ADAM10: variants seen among roughly 807,000 people sequenced by gnomAD.
ADAM10 encodes the protein ADAM metallopeptidase domain 10, also known as disintegrin and metalloproteinase domain-containing protein 10.
ADAM10 carries 17 observed loss-of-function variants against 90.1 expected under a neutral mutation model. That is an observed-to-expected ratio of 0.19 (90% confidence interval 0.13 to 0.28). The LOEUF is 0.28. Among genes scored for constraint, ADAM10 ranks in the 10% least tolerant of loss-of-function variants. The pLI, the probability that ADAM10 is intolerant of heterozygous loss-of-function variation, is 1.00. For synonymous variants in ADAM10, 310 were observed against 298.6 expected (o/e 1.04, Z -0.40); for missense variants, 610 against 914.3 (o/e 0.67, Z 4.29).
chr15:58,653,717 C>A (rs561141122), intron 5 of ADAM10, among the ~76,000 whole-genome samples: 7 of 152,146 alleles, frequency 4.6e-5, no homozygotes, highest in Non-Finnish European at 8.8e-5. Flanking sequence ...CAGAGTAATA[C>A]TGGCCTCCTA....
intron 8 of ADAM10, among the ~76,000 whole-genome samples, chr15:58,633,846 G>A (rs1472819161): frequency 1.4e-5 from 2 of 147,536 alleles, no homozygotes; most frequent in Admixed American, 6.8e-5. Context: ...TCCCTGTCCT[G>A]AGATATGACA....
At chr15:58,683,859 CAAAA>C (rs71425819) in intron 2 of ADAM10, among the ~76,000 whole-genome samples, 74 of 67,246 alleles carry the variant, frequency 1.1e-3, no homozygotes, top group African/African-American at 3.8e-3. Context: ...GGCTCCATCT[CAAAA>C]AAAAAAAAAA....
intron 2 of ADAM10, among the ~76,000 whole-genome samples, chr15:58,709,668 T>A (rs1361994230): frequency 1.3e-5 from 2 of 151,812 alleles, no homozygotes; most frequent in Non-Finnish European, 2.9e-5. Flanking sequence ...TGAACCCAGG[T>A]GGCAGAGGTT....
chr15:58,637,107 T>C (rs1387209092), intron 8 of ADAM10, among the ~76,000 whole-genome samples: 2 of 152,266 alleles, frequency 1.3e-5, no homozygotes, highest in African/African-American at 4.8e-5. Context: ...AAGAATTCAA[T>C]AAGCTGTGGG....
chr15:58,661,909 A>T lies in ADAM10; in HGVS notation c.585+3188T>A, dbSNP rs564209251. On this transcript the variant is annotated intron_variant, in intron 5 of 15. Coordinates refer to ENST00000260408, the MANE Select transcript of ADAM10 (RefSeq NM_001110.4). The stretch of plus-strand genomic sequence containing the variant: ...CCTCAGATAATATATTTTTCACCCT[A>T]GAAGTTCCATTTGGTTCTTTATTAG... Among the ~76,000 whole-genome samples the T allele has an allele frequency of 5.9e-5, 9 of 152,250 alleles. No individual in the cohort carries two copies. The South Asian group carries it at 1.9e-3, about 32-fold the overall frequency.
chr15:58,740,858 A>C (rs1323023966), intron 1 of ADAM10, among the ~76,000 whole-genome samples: 1 of 152,214 alleles, frequency 6.6e-6, no homozygotes, highest in Non-Finnish European at 1.5e-5. Context: ...CTATTTTCTA[A>C]TGTTTGGTAA....
At chr15:58,698,065 A>G (rs1490491521) in intron 2 of ADAM10, among the ~76,000 whole-genome samples, 2 of 152,192 alleles carry the variant, frequency 1.3e-5, no homozygotes, top group African/African-American at 4.8e-5. Context: ...GGAAGAAGTG[A>G]CTGTTATACC....
chr15:58,647,248 A>ATTTTGTTTTTTTTTTTTTTTTTTTTT (rs1896572465), intron 5 of ADAM10, among the ~76,000 whole-genome samples: 1 of 59,602 alleles, frequency 1.7e-5, no homozygotes, highest in Non-Finnish European at 3.6e-5. Context: ...GACACTAAGT[A>ATTTTGTTTTTTTTTTTTTTTTTTTTT]TTTTTTTTTT....
intron 5 of ADAM10, among the ~76,000 whole-genome samples, chr15:58,652,931 T>C (rs1180352569): frequency 5.9e-5 from 9 of 152,186 alleles, no homozygotes; most frequent in Admixed American, 5.9e-4. Context: ...ATTGTAGAGA[T>C]CTTTTACTTC....
intron 5 of ADAM10, among the ~76,000 whole-genome samples, chr15:58,657,913 TA>T (rs1300895395): frequency 1.3e-5 from 2 of 151,784 alleles, no homozygotes; most frequent in Non-Finnish European, 2.9e-5. Context: ...TTAACTGAGT[TA>T]TAACAGTTCT....
intron 10 of ADAM10, among the ~76,000 whole-genome samples, chr15:58,626,609 G>A (rs549595609): frequency 6.6e-6 from 1 of 152,202 alleles, no homozygotes; most frequent in Non-Finnish European, 1.5e-5. Flanking sequence ...TACATACAAT[G>A]GAGTATTATT....
intron 1 of ADAM10, chr15:58,749,176 G>T (rs1391276862): frequency 1.7e-5 from 7 of 403,790 alleles, no homozygotes; most frequent in African/African-American, 1.4e-4. Flanking sequence ...GCTCTCACCA[G>T]GCGACGCGGA....
intron 11 of ADAM10, among the ~76,000 whole-genome samples, chr15:58,613,072 G>C (rs1030911854): frequency 6.6e-6 from 1 of 152,154 alleles, no homozygotes; most frequent in Non-Finnish European, 1.5e-5. Flanking sequence ...TGGGAAAAAT[G>C]AGAATAGGAG....
chr15:58,611,414 A>C, intron 12 of ADAM10: 1 of 342,212 alleles, frequency 2.9e-6, no homozygotes, highest in East Asian at 6.5e-5. Flanking sequence ...TCTTCTATAA[A>C]GAAAGAAAAA....
Position 58,597,517 on chromosome 15 carries a change from C to T in ADAM10, c.*30G>A. The T allele has an allele frequency of 6.2e-7, 1 of 1,613,998 alleles. No homozygotes were observed. The highest frequency in any genetic ancestry group is 8.5e-7 in the Non-Finnish European group (1 of 1,180,000). The stretch of plus-strand genomic sequence containing the variant: ...TGGAGTGAAGTTTTCCCATTGTAGG[C>T]ACTAGGAAGAACCAAGGCAAAAGCT... On this transcript the variant is annotated 3_prime_UTR_variant, in exon 16 of 16. Transcript: ENST00000260408.
chr15:58,695,565 C>G (rs981987869), intron 2 of ADAM10, among the ~76,000 whole-genome samples: 1 of 152,122 alleles, frequency 6.6e-6, no homozygotes, highest in Admixed American at 6.5e-5. Flanking sequence ...CACCCTGAAA[C>G]CCCTGTTAAA....
intron 10 of ADAM10, among the ~76,000 whole-genome samples, chr15:58,625,444 A>C (rs1346634650): frequency 1.3e-5 from 2 of 152,248 alleles, no homozygotes; most frequent in Non-Finnish European, 2.9e-5. Flanking sequence ...ATGCAAATTA[A>C]AACCATGAGA....
chr15:58,650,052 T>C (rs1361809554), intron 5 of ADAM10, among the ~76,000 whole-genome samples: 2 of 152,200 alleles, frequency 1.3e-5, no homozygotes, highest in African/African-American at 4.8e-5. Context: ...GTTGTTAACA[T>C]TTGTCAATTC....
intron 1 of ADAM10, among the ~76,000 whole-genome samples, chr15:58,746,068 A>C (rs181759171): frequency 3.5e-4 from 53 of 152,362 alleles, no homozygotes; most frequent in African/African-American, 1.2e-3. Flanking sequence ...AAAAGGCATG[A>C]AGGGGCAATG....
Sources: gnomAD v4.1 joint callset for allele counts (sites outside exome capture counted in the v4.1 genomes callset) on GRCh38, gnomAD v4.1.1 for gene constraint, MANE v1.5 for transcripts, NCBI Gene and HGNC (gene_info 2026-07-23, HGNC 2026-07-21) for gene names.